Variants in SPAG16 observed in about 807,000 individuals in gnomAD.
SPAG16 encodes sperm-associated antigen 16 protein.
In SPAG16, 86 loss-of-function variants were observed where a neutral mutation model predicts 80.4. The ratio of observed to expected loss-of-function variants is 1.07; its 90% CI spans 0.90 to 1.28. The LOEUF is 1.28. Among genes scored for constraint, SPAG16 ranks in the 50% most tolerant of loss-of-function variants. The pLI, the probability that SPAG16 is intolerant of heterozygous loss-of-function variation, is 0.00. For missense variants in SPAG16, 870 were observed against 765.3 expected, an observed-to-expected ratio of 1.14 and a Z score of -1.61; for synonymous variants, 294 against 265.9, an observed-to-expected ratio of 1.11 and a Z score of -1.03.
At chr2:213,466,840 G>T (rs1456990385) in intron 9 of SPAG16, among the ~76,000 whole-genome samples, 1 of 152,200 alleles carries the variant, frequency 6.6e-6, no homozygotes, top group African/African-American at 2.4e-5. Flanking sequence ...ACAGGTGGGG[G>T]CTGTCTCAGA....
intron 15 of SPAG16, among the ~76,000 whole-genome samples, chr2:214,194,137 G>A (rs947677424): frequency 2.0e-5 from 3 of 152,050 alleles, no homozygotes; most frequent in Non-Finnish European, 4.4e-5. Context: ...TATATGACCA[G>A]TAGGCTCAAA....
intron 13 of SPAG16, among the ~76,000 whole-genome samples, chr2:214,035,445 AGC>A (rs2048645551): frequency 1.3e-5 from 2 of 152,286 alleles, no homozygotes; most frequent in South Asian, 4.1e-4. Flanking sequence ...AGCTGCCCTC[AGC>A]AGCCCCTCAA....
At chr2:213,525,763 C>T (rs1225344599) in intron 10 of SPAG16, among the ~76,000 whole-genome samples, 3 of 152,014 alleles carry the variant, frequency 2.0e-5, no homozygotes, top group African/African-American at 7.2e-5. Context: ...ATATCCATGT[C>T]TATGTATATC....
chr2:214,045,072 GTGCTTA>G (rs765968926), intron 13 of SPAG16, among the ~76,000 whole-genome samples: 1 of 152,204 alleles, frequency 6.6e-6, no homozygotes, highest in Non-Finnish European at 1.5e-5. Context: ...TGGTAAGCGA[GTGCTTA>G]TGCAGCCCCT....
intron 13 of SPAG16, among the ~76,000 whole-genome samples, chr2:214,019,936 A>T (rs2047775157): frequency 6.6e-6 from 1 of 152,168 alleles, no homozygotes; most frequent in Non-Finnish European, 1.5e-5. Context: ...AGTAATTGCT[A>T]TATATTCTAT....
intron 12 of SPAG16, among the ~76,000 whole-genome samples, chr2:213,949,105 A>C (rs1213305528): frequency 1.3e-5 from 2 of 151,700 alleles, no homozygotes; most frequent in African/African-American, 4.8e-5. Context: ...GTTCATATTG[A>C]ATGAAAATAA....
intron 10 of SPAG16, among the ~76,000 whole-genome samples, chr2:213,826,409 A>T (rs549585121): frequency 2.0e-5 from 3 of 151,796 alleles, no homozygotes; most frequent in African/African-American, 7.2e-5. Flanking sequence ...TACTGTTTTC[A>T]CTATATTCCA....
chr2:213,294,539 T>A (rs2062424483), intron 1 of SPAG16, among the ~76,000 whole-genome samples: 1 of 152,230 alleles, frequency 6.6e-6, no homozygotes, highest in South Asian at 2.1e-4. Context: ...ATCATTTAAC[T>A]AGCTATTTTT....
intron 15 of SPAG16, among the ~76,000 whole-genome samples, chr2:214,217,400 G>A (rs931311521): frequency 1.3e-5 from 2 of 152,204 alleles, no homozygotes; most frequent in Non-Finnish European, 2.9e-5. Flanking sequence ...TTAAAGAAAG[G>A]GCTGTGCATG....
intron 9 of SPAG16, among the ~76,000 whole-genome samples, chr2:213,401,746 T>C (rs1442487507): frequency 6.6e-6 from 1 of 152,134 alleles, no homozygotes. Flanking sequence ...ATTATTCATG[T>C]TTTTGGACGT....
intron 10 of SPAG16, among the ~76,000 whole-genome samples, chr2:213,536,819 A>G (rs193080753): frequency 1.4e-4 from 21 of 152,260 alleles, no homozygotes; most frequent in Admixed American, 9.2e-4. Flanking sequence ...CTGGGTATAT[A>G]CCCAAAGGAC....
chr2:214,023,200 C>G (rs1397992120), intron 13 of SPAG16, among the ~76,000 whole-genome samples: 1 of 151,848 alleles, frequency 6.6e-6, no homozygotes, highest in Non-Finnish European at 1.5e-5. Context: ...AGTAACTTCT[C>G]TCACTTCATT....
chr2:213,692,973 A>T (rs966917012), intron 10 of SPAG16, among the ~76,000 whole-genome samples: 1 of 152,222 alleles, frequency 6.6e-6, no homozygotes, highest in African/African-American at 2.4e-5. Flanking sequence ...GAATTTTAAA[A>T]ATATTCAGAT....
intron 10 of SPAG16, among the ~76,000 whole-genome samples, chr2:213,719,386 A>G (rs1461985110): frequency 6.6e-6 from 1 of 152,210 alleles, no homozygotes; most frequent in East Asian, 1.9e-4. Flanking sequence ...GACACTCTGT[A>G]TCTAGCTGCT....
intron 10 of SPAG16, among the ~76,000 whole-genome samples, chr2:213,633,917 T>C (rs992586969): frequency 6.6e-6 from 1 of 152,150 alleles, no homozygotes; most frequent in African/African-American, 2.4e-5. Context: ...TGTGTGTCTT[T>C]GTAGGTTAAG....
intron 12 of SPAG16, among the ~76,000 whole-genome samples, chr2:213,962,742 T>G (rs2044514401): frequency 6.6e-6 from 1 of 152,258 alleles, no homozygotes; most frequent in Non-Finnish European, 1.5e-5. Flanking sequence ...TTACTCATTG[T>G]AAGTTTATTA....
chr2:214,265,116 C>T (rs949070245), intron 15 of SPAG16, among the ~76,000 whole-genome samples: 3 of 152,146 alleles, frequency 2.0e-5, no homozygotes, highest in African/African-American at 4.8e-5. Flanking sequence ...TTTGAGTAAA[C>T]GCTTAGAACA....
At chr2:213,534,529 T>C (rs976003430) in intron 10 of SPAG16, among the ~76,000 whole-genome samples, 3 of 152,132 alleles carry the variant, frequency 2.0e-5, no homozygotes, top group Admixed American at 6.6e-5. Context: ...GATATATTTA[T>C]AAAATGGACT....
chr2:213,645,578 A>G (rs2062790452), intron 10 of SPAG16, among the ~76,000 whole-genome samples: 1 of 152,152 alleles, frequency 6.6e-6, no homozygotes, highest in Non-Finnish European at 1.5e-5. Context: ...CAGGGACCTC[A>G]GGACTCTGTT....
Sources: allele counts gnomAD v4.1 joint callset (sites outside exome capture counted in the v4.1 genomes callset), GRCh38; gene constraint gnomAD v4.1.1; transcripts MANE v1.5; gene names NCBI Gene and HGNC (gene_info 2026-07-23, HGNC 2026-07-21).